KIRREL3: variants seen among roughly 807,000 people sequenced by gnomAD.
KIRREL3 encodes kin of IRRE-like protein 3.
Under a neutral mutation model 89.7 loss-of-function variants are expected in KIRREL3, and 36 were observed. That is an observed-to-expected ratio of 0.40 (90% CI 0.31 to 0.53). The LOEUF (loss-of-function observed/expected upper bound fraction) is 0.53. Among genes scored for constraint, KIRREL3 ranks in the 20% least tolerant of loss-of-function variants. The pLI is 0.49. For synonymous variants in KIRREL3, 445 were observed against 441.4 expected (o/e 1.01, Z -0.10); for missense variants, 864 against 1,056.6 (o/e 0.82, Z 2.53).
intron 1 of KIRREL3, among the ~76,000 whole-genome samples, chr11:126,878,078 A>G (rs1945357894): frequency 6.6e-6 from 1 of 152,226 alleles, no homozygotes; most frequent in Non-Finnish European, 1.5e-5. Context: ...ATGGCCTTTC[A>G]TTCACAGAGA....
chr11:126,485,423 G>A lies in KIRREL3; in HGVS notation c.434-11957C>T, dbSNP rs1006820547. Among the ~76,000 whole-genome samples the A allele has an allele frequency of 1.3e-5, 2 of 152,198 alleles. No homozygotes were observed. The highest frequency in any genetic ancestry group is 6.5e-5 in the Admixed American group (1 of 15,276). Reference sequence around the variant, plus strand: ...TTTAGGGGATAAGAAGGGAGGCCCTGAAGTCAGAGTGCCTGGCTGGGCTTC... The same window carrying A: ...TTTAGGGGATAAGAAGGGAGGCCCTAAAGTCAGAGTGCCTGGCTGGGCTTC... On this transcript the variant is annotated intron_variant, in intron 4 of 16. Transcript: ENST00000525144. The surrounding 1 kb of genome is among the most constrained non-coding windows in gnomAD (Gnocchi z 5.8).
rs113430520 is a variant in KIRREL3, at chr11:126,515,283, A to C, written c.433+6032T>G. On this transcript the variant is annotated intron_variant, in intron 4 of 16. Transcript: ENST00000525144. This position sits in a 1 kb window ranked among gnomAD's most constrained non-coding sequence, Gnocchi z 4.2. ...CAAAAACAAAACAGAACAAAACAAA[A>C]AAACAAACAAACAAAAATTAGCTGG... 4.2e-4 allele frequency among the ~76,000 whole-genome samples: 64 copies of C among 152,166 alleles called. 1 individual carries two copies. The highest frequency in any genetic ancestry group is 1.3e-3 in the African/African-American group (56 of 41,488).
chr11:126,536,831 G>C (rs1937932142), intron 2 of KIRREL3, among the ~76,000 whole-genome samples: 1 of 152,052 alleles, frequency 6.6e-6, no homozygotes, highest in African/African-American at 2.4e-5. Flanking sequence ...TTTTAGTAGA[G>C]ACAGGGTTTC....
At chr11:126,580,722 C>G (rs563002919) in intron 1 of KIRREL3, among the ~76,000 whole-genome samples, 2 of 152,124 alleles carry the variant, frequency 1.3e-5, no homozygotes, top group African/African-American at 4.8e-5. Flanking sequence ...CAGGACTGCT[C>G]TGCCCTGTCT....
chr11:126,472,141 A>ATAAG (rs1352614805), intron 5 of KIRREL3, among the ~76,000 whole-genome samples: 1 of 152,226 alleles, frequency 6.6e-6, no homozygotes, highest in Non-Finnish European at 1.5e-5. Context: ...CTTCTTTAGT[A>ATAAG]TAAGTATGGC....
intron 4 of KIRREL3, among the ~76,000 whole-genome samples, chr11:126,503,656 T>G (rs530958428): frequency 3.2e-4 from 48 of 152,206 alleles, no homozygotes; most frequent in Non-Finnish European, 6.5e-4. Context: ...TAACCTCCAT[T>G]GTGATGATGT....
chr11:126,999,074 C>G lies in KIRREL3; in HGVS notation c.55+1381G>C, dbSNP rs1237835462. On this transcript the variant is annotated intron_variant, in intron 1 of 16. Transcript: ENST00000525144. The surrounding 1 kb of genome is among the most constrained non-coding windows in gnomAD (Gnocchi z 5.7). ...GAGTTCTTATTCATTCAGCCTGAAA[C>G]TCTGGGGAAGGCAATTTATCTTCCT... Among the ~76,000 whole-genome samples the G allele has an allele frequency of 1.3e-5, 2 of 151,194 alleles. No homozygotes were observed. Among genetic ancestry groups the G allele is most frequent in the Non-Finnish European group, 2.9e-5 (2 of 67,934 alleles).
chr11:126,625,837 G>A (rs1943761718), intron 1 of KIRREL3, among the ~76,000 whole-genome samples: 1 of 152,176 alleles, frequency 6.6e-6, no homozygotes, highest in Non-Finnish European at 1.5e-5. Context: ...GTAGAGTTAT[G>A]AGTGGTCCTT....
In KIRREL3 at chr11:126,764,278, A is replaced by G. The variant is rs1228972026; in HGVS notation, c.56-201366T>C. Among the ~76,000 whole-genome samples, 3 of 152,104 alleles carry G rather than the reference A, an allele frequency of 2.0e-5. No individual in the cohort carries two copies. Among genetic ancestry groups the G allele is most frequent in the Non-Finnish European group, 2.9e-5 (2 of 68,012 alleles). On this transcript the variant is annotated intron_variant, in intron 1 of 16. Coordinates refer to ENST00000525144, the MANE Select transcript of KIRREL3 (RefSeq NM_032531.4). This position sits in a 1 kb window ranked among gnomAD's most constrained non-coding sequence, Gnocchi z 4.2. ...ACGGCAGCACCCACTGTCTTGGCAA[A>G]TGTCCATTCTGTCAGGCGCCCTGCC...
chr11:126,840,150 A>G (rs1044312335), intron 1 of KIRREL3, among the ~76,000 whole-genome samples: 6 of 152,200 alleles, frequency 3.9e-5, no homozygotes, highest in African/African-American at 1.4e-4. Context: ...TTGGAGATGC[A>G]GAGTTTGAGC....
In KIRREL3 at chr11:126,531,113, C is replaced by A. The variant is rs1169123006; in HGVS notation, c.134-4426G>T. On this transcript the variant is annotated intron_variant, in intron 2 of 16. Coordinates refer to ENST00000525144, the MANE Select transcript of KIRREL3 (RefSeq NM_032531.4). This position sits in a 1 kb window ranked among gnomAD's most constrained non-coding sequence, Gnocchi z 4.7. ...AAAGTGTTGGGATTACGAGCGTGAG[C>A]CACCATGCCCGGCCCCATGCTTTGT... is the stretch of plus-strand genomic sequence containing the variant. 6.6e-6 allele frequency among the ~76,000 whole-genome samples: 1 copy of A among 152,114 alleles called. No individual in the cohort carries two copies. The highest frequency in any genetic ancestry group is 1.9e-4 in the East Asian group (1 of 5,170).
rs547237830 is a variant in KIRREL3 at position 126,640,901 on chromosome 11, C to G, written c.56-77989G>C. 1.1e-3 allele frequency among the ~76,000 whole-genome samples: 173 copies of G among 152,232 alleles called. No homozygotes were observed. The highest frequency in any genetic ancestry group is 4.1e-3 in the African/African-American group (171 of 41,524). On this transcript the variant is annotated intron_variant, in intron 1 of 16. Transcript: ENST00000525144. The surrounding 1 kb of genome is among the most constrained non-coding windows in gnomAD (Gnocchi z 4.9). ...TTCTCAATCTTATGGCTTTAAACACCGACTCTACTCTGATGTCTCTCAATT... is the reference window on the plus strand; with the variant it reads ...TTCTCAATCTTATGGCTTTAAACACGGACTCTACTCTGATGTCTCTCAATT...
Position 126,905,734 on chromosome 11 carries a change from G to A in KIRREL3, c.55+94721C>T, listed in dbSNP as rs1946556933. Among the ~76,000 whole-genome samples, 1 of 152,138 alleles carries A rather than the reference G, an allele frequency of 6.6e-6. No homozygotes were observed. The highest frequency in any genetic ancestry group is 2.4e-5 in the African/African-American group (1 of 41,436). On this transcript the variant is annotated intron_variant, in intron 1 of 16. Coordinates refer to ENST00000525144, the MANE Select transcript of KIRREL3 (RefSeq NM_032531.4). The surrounding 1 kb of genome is among the most constrained non-coding windows in gnomAD (Gnocchi z 5.0). ...GACCTATGTGAGATGGAATTGTTGTGTACCGCCACAGCCTGACAACACAGA... is the reference window on the plus strand; with the variant it reads ...GACCTATGTGAGATGGAATTGTTGTATACCGCCACAGCCTGACAACACAGA...
chr11:126,881,458 A>G (rs1409759595), intron 1 of KIRREL3, among the ~76,000 whole-genome samples: 1 of 152,176 alleles, frequency 6.6e-6, no homozygotes, highest in Non-Finnish European at 1.5e-5. Context: ...TTCCTTGGTC[A>G]TGGTCACCAA....
At chr11:126,524,422 G>A (rs1958687624) in intron 3 of KIRREL3, among the ~76,000 whole-genome samples, 5 of 152,280 alleles carry the variant, frequency 3.3e-5, no homozygotes, top group South Asian at 4.1e-4. Context: ...CTCATGTGCT[G>A]GGATTGGTTA....
intron 2 of KIRREL3, among the ~76,000 whole-genome samples, chr11:126,529,694 G>T (rs187092124): frequency 6.6e-6 from 1 of 151,340 alleles, no homozygotes; most frequent in East Asian, 2.0e-4. Flanking sequence ...TTCTGGGGAA[G>T]ATGAGTACAC....
chr11:126,802,510 C>A lies in KIRREL3; in HGVS notation c.55+197945G>T, dbSNP rs1399205388. ...CGTGGATTTTCTCTGTGTCCTCCAG[C>A]TTCCTCCCACATCCCAAAGCTGTCA... is the stretch of plus-strand genomic sequence containing the variant. On this transcript the variant is annotated intron_variant, in intron 1 of 16. Coordinates refer to ENST00000525144, the MANE Select transcript of KIRREL3 (RefSeq NM_032531.4). This position sits in a 1 kb window ranked among gnomAD's most constrained non-coding sequence, Gnocchi z 5.2. Among the ~76,000 whole-genome samples the A allele has an allele frequency of 6.6e-6, 1 of 152,204 alleles. No homozygotes were observed. Among genetic ancestry groups the A allele is most frequent in the African/African-American group, 2.4e-5 (1 of 41,454 alleles).
chr11:126,849,284 T>A (rs1565349549), intron 1 of KIRREL3, among the ~76,000 whole-genome samples: 3 of 151,824 alleles, frequency 2.0e-5, no homozygotes, highest in Non-Finnish European at 4.4e-5. Flanking sequence ...CCCTATACAG[T>A]CTCAGAAGGG....
intron 4 of KIRREL3, among the ~76,000 whole-genome samples, chr11:126,518,713 C>G (rs1958494954): frequency 6.6e-6 from 1 of 152,220 alleles, no homozygotes; most frequent in Non-Finnish European, 1.5e-5. Flanking sequence ...TCTGTGGGAA[C>G]AGCCACTCTC....
Sources: gnomAD v4.1 joint callset for allele counts (sites outside exome capture counted in the v4.1 genomes callset) on GRCh38, gnomAD v4.1.1 for gene constraint, Gnocchi (gnomAD v3.1) non-coding constraint, MANE v1.5 for transcripts, NCBI Gene and HGNC (gene_info 2026-07-23, HGNC 2026-07-21) for gene names.